KHDRBS2: variants seen among roughly 807,000 people sequenced by gnomAD.
The protein encoded by KHDRBS2 is KH domain-containing, RNA-binding, signal transduction-associated protein 2.
In KHDRBS2, 26 loss-of-function variants were observed where a neutral mutation model predicts 44.3. That is an observed-to-expected ratio of 0.59 (90% confidence interval 0.43 to 0.81). The LOEUF (loss-of-function observed/expected upper bound fraction) is 0.81. KHDRBS2 is among the 40% of genes least tolerant of loss of function. The probability of loss-of-function intolerance (pLI) is 0.00; values close to 1 mark genes in which losing one functional copy is unlikely to be tolerated. For missense variants in KHDRBS2, 476 were observed against 433.1 expected (o/e 1.10, Z -0.88); for synonymous variants, 194 against 151.1 (o/e 1.28, Z -2.08).
At chr6:61,859,239 G>A (rs1187992305) in intron 6 of KHDRBS2, among the ~76,000 whole-genome samples, 2 of 151,816 alleles carry the variant, frequency 1.3e-5, no homozygotes, top group African/African-American at 2.4e-5. Context: ...TTTCCTCAGA[G>A]TCTCTACTTA....
intron 2 of KHDRBS2, among the ~76,000 whole-genome samples, chr6:62,129,713 TA>T (rs1172862227): frequency 6.6e-5 from 10 of 152,224 alleles, no homozygotes; most frequent in African/African-American, 2.2e-4. Context: ...AAAATAGCAT[TA>T]AAATTTTTTT....
intron 1 of KHDRBS2, among the ~76,000 whole-genome samples, chr6:62,243,178 CAT>C (rs1157636818): frequency 6.6e-6 from 1 of 151,900 alleles, no homozygotes; most frequent in Admixed American, 6.6e-5. Flanking sequence ...ACACACACTA[CAT>C]ATATATATCT....
At chr6:62,146,752 T>C (rs2150102353) in intron 2 of KHDRBS2, among the ~76,000 whole-genome samples, 1 of 144,052 alleles carries the variant, frequency 6.9e-6, no homozygotes, top group African/African-American at 2.6e-5. Flanking sequence ...CAGGGCAAGA[T>C]TTTTCTCTTC....
At chr6:61,955,113 T>A (rs111209844) in intron 4 of KHDRBS2, among the ~76,000 whole-genome samples, 1 of 140,644 alleles carries the variant, frequency 7.1e-6, no homozygotes, top group African/African-American at 2.6e-5. Flanking sequence ...TATACACATA[T>A]GTGTATATAT....
rs553848974 is a variant in KHDRBS2 at position 62,188,250 on chromosome 6, C to T, written c.92-10938G>A. On this transcript the variant is annotated intron_variant, in intron 1 of 8. Transcript: ENST00000281156. The stretch of plus-strand genomic sequence containing the variant: ...AATATTCAAACCATATCAAGCAGGT[C>T]TCTAGAACTTATCATCTTGTATAAT... 2.0e-5 allele frequency among the ~76,000 whole-genome samples: 3 copies of T among 152,166 alleles called. No individual in the cohort carries two copies. The South Asian group carries it at 6.2e-4, about 32-fold the overall frequency.
the KHDRBS2 span, among the ~76,000 whole-genome samples, chr6:61,580,932 C>T: frequency 6.6e-6 from 1 of 152,072 alleles, no homozygotes; most frequent in Non-Finnish European, 1.5e-5. Context: ...AAAGTACAAA[C>T]CTGACTTATA....
chr6:62,172,808 C>T (rs548796954), intron 2 of KHDRBS2, among the ~76,000 whole-genome samples: 113 of 150,188 alleles, frequency 7.5e-4, no homozygotes, highest in Non-Finnish European at 1.4e-3. Context: ...CACAGAATTA[C>T]GTGGAAATTA....
chr6:61,633,114 G>A, the KHDRBS2 span, among the ~76,000 whole-genome samples: 2 of 151,960 alleles, frequency 1.3e-5, no homozygotes, highest in African/African-American at 4.8e-5. Flanking sequence ...ATGCACCACA[G>A]GTAATTTAGT....
intron 4 of KHDRBS2, among the ~76,000 whole-genome samples, chr6:61,965,122 A>G (rs1237503832): frequency 3.3e-5 from 5 of 152,090 alleles, no homozygotes; most frequent in African/African-American, 1.2e-4. Flanking sequence ...AAAAATTAAA[A>G]GGGAAATGCT....
At chr6:62,278,922 GT>G (rs1554140732) in intron 1 of KHDRBS2, among the ~76,000 whole-genome samples, 1 of 151,676 alleles carries the variant, frequency 6.6e-6, no homozygotes, top group Non-Finnish European at 1.5e-5. Flanking sequence ...GTGAAACCCC[GT>G]CTCTACTAAA....
rs201255751 is a variant in KHDRBS2 at position 62,093,224 on chromosome 6, TA to T, written c.220-45231del. Among the ~76,000 whole-genome samples the T allele has an allele frequency of 7.0e-3, 942 of 134,240 alleles. 13 individuals carry two copies. Among genetic ancestry groups the T allele is most frequent in the South Asian group, 0.059 (252 of 4,294 alleles). 88.1% of individuals were successfully genotyped at this position (134,240 alleles called of 152,430 possible). A position where few individuals can be genotyped will look rare whatever the true frequency, so the allele number is the denominator to read the frequency against. On this transcript the variant is annotated intron_variant, in intron 2 of 8. Transcript: ENST00000281156. ...GAAATTATCCTGACCTTAGATAAAG[TA>T]AAAAAAAAAAAAATTAAAAGAAGGA...
intron 2 of KHDRBS2, among the ~76,000 whole-genome samples, chr6:62,055,163 CAT>C (rs1789975501): frequency 1.3e-5 from 2 of 151,740 alleles, no homozygotes. Flanking sequence ...TAGGTGAAAA[CAT>C]AAATCACAAA....
chr6:62,059,432 A>G (rs1791178288), intron 2 of KHDRBS2, among the ~76,000 whole-genome samples: 1 of 151,466 alleles, frequency 6.6e-6, no homozygotes, highest in South Asian at 2.1e-4. Context: ...CAGAATGATG[A>G]CAACAGAAGA....
the KHDRBS2 span, among the ~76,000 whole-genome samples, chr6:61,565,381 C>T: frequency 2.0e-5 from 3 of 151,972 alleles, no homozygotes; most frequent in Non-Finnish European, 4.4e-5. Context: ...GGAAAGACAA[C>T]CTACAAAATG....
intron 8 of KHDRBS2, among the ~76,000 whole-genome samples, chr6:61,686,847 T>G (rs1377560477): frequency 6.6e-6 from 1 of 151,302 alleles, no homozygotes; most frequent in Non-Finnish European, 1.5e-5. Context: ...AATTATATAA[T>G]TAGTATTAAT....
intron 1 of KHDRBS2, among the ~76,000 whole-genome samples, chr6:62,227,399 C>A (rs1368345342): frequency 6.6e-6 from 1 of 152,134 alleles, no homozygotes; most frequent in Non-Finnish European, 1.5e-5. Context: ...GCTGAAGTTG[C>A]TTAGCAGCTT....
intron 1 of KHDRBS2, among the ~76,000 whole-genome samples, chr6:62,275,604 T>A (rs1167245807): frequency 6.6e-6 from 1 of 152,198 alleles, no homozygotes; most frequent in African/African-American, 2.4e-5. Context: ...TTCCTTAAAT[T>A]TCCTGGAGAA....
chr6:62,076,259 G>T (rs1796314211), intron 2 of KHDRBS2, among the ~76,000 whole-genome samples: 2 of 151,944 alleles, frequency 1.3e-5, no homozygotes, highest in Admixed American at 1.3e-4. Flanking sequence ...GGTTGTGCCA[G>T]CAAATGTGCT....
At chr6:61,608,332 A>ATG in the KHDRBS2 span, among the ~76,000 whole-genome samples, 265 of 150,936 alleles carry the variant, frequency 1.8e-3, 2 homozygotes, top group South Asian at 0.023. Context: ...ATATATACAT[A>ATG]TGTGTGTGTG....
Sources: allele counts gnomAD v4.1 joint callset (sites outside exome capture counted in the v4.1 genomes callset), GRCh38; gene constraint gnomAD v4.1.1; transcripts MANE v1.5; gene names NCBI Gene and HGNC (gene_info 2026-07-23, HGNC 2026-07-21).